Variants in AVEN observed in about 807,000 individuals in gnomAD.
AVEN encodes apoptosis and caspase activation inhibitor.
Under a neutral mutation model 38.1 loss-of-function variants are expected in AVEN, and 41 were observed. The observed-to-expected ratio is 1.08, with a 90% confidence interval of 0.84 to 1.40. The LOEUF (loss-of-function observed/expected upper bound fraction) is 1.40, where lower values mean the gene tolerates loss of function less well. Among genes scored for constraint, AVEN ranks in the 40% most tolerant of loss-of-function variants. The pLI is 0.00. For synonymous variants in AVEN, 206 were observed against 171.8 expected, an observed-to-expected ratio of 1.20 and a Z score of -1.56; for missense variants, 605 against 438.8, an observed-to-expected ratio of 1.38 and a Z score of -3.38.
At chr15:33,957,822 A>C (rs1484671702) in intron 2 of AVEN, among the ~76,000 whole-genome samples, 1 of 152,126 alleles carries the variant, frequency 6.6e-6, no homozygotes, top group East Asian at 1.9e-4. Context: ...CAGAACTGTG[A>C]TTGCCTGGGG....
intron 2 of AVEN, among the ~76,000 whole-genome samples, chr15:33,958,437 A>C (rs1436821177): frequency 1.3e-5 from 2 of 151,926 alleles, no homozygotes; most frequent in Non-Finnish European, 1.5e-5. Flanking sequence ...ACAACAACAA[A>C]AAAATCAGCC....
At chr15:33,951,181 A>G (rs894020630) in intron 2 of AVEN, among the ~76,000 whole-genome samples, 3 of 152,128 alleles carry the variant, frequency 2.0e-5, no homozygotes, top group African/African-American at 7.2e-5. Flanking sequence ...TAGCATTCCT[A>G]TGCGCAGCAC....
At position 34,018,665 on chromosome 15, in the gene AVEN, G is replaced by A. The variant is rs1349500272; in HGVS notation, c.268-15456C>T. On this transcript the variant is annotated intron_variant, in intron 1 of 5. Coordinates refer to ENST00000306730, the MANE Select transcript of AVEN (RefSeq NM_020371.3). ...GAAAGAACAAAGCTTCCACAGAATG[G>A]AAAGGGACTCCAGTGGGTTGCTGCT... Among the ~76,000 whole-genome samples, 5 of 152,318 alleles carry A rather than the reference G, an allele frequency of 3.3e-5. No individual in the cohort carries two copies. The East Asian group carries it at 9.6e-4, about 29-fold the overall frequency.
chr15:33,899,617 C>T (rs535732658), intron 2 of AVEN, among the ~76,000 whole-genome samples: 1 of 144,084 alleles, frequency 6.9e-6, no homozygotes, highest in South Asian at 2.3e-4. Context: ...TACAGGCGCC[C>T]GTCACCAAGC....
At chr15:33,940,775 C>T (rs192875507) in intron 2 of AVEN, among the ~76,000 whole-genome samples, 139 of 152,178 alleles carry the variant, frequency 9.1e-4, no homozygotes, top group African/African-American at 2.8e-3. Flanking sequence ...CTCTTGACCA[C>T]GTGATCCACC....
rs1354512144 is a variant in AVEN at position 33,875,776 on chromosome 15, C to T, written c.516+149G>A. 8 of 685,076 alleles carry T rather than the reference C, an allele frequency of 1.2e-5. No individual in the cohort carries two copies. In the Admixed American group the frequency reaches 2.2e-4, roughly 19 times the overall value. The allele number at this position is 685,076 out of a possible 1,614,324, so 42.4% of individuals were successfully genotyped here. ...CAAGGACCTGTGGAATTTCAGCCCC[C>T]TGAAAATTTTCTGAAAAGTTTAGCT... On this transcript the variant is annotated intron_variant, in intron 3 of 5. Transcript: ENST00000306730.
rs147477557 is a variant in AVEN at position 34,052,937 on chromosome 15, T to A, written n.1637+9985A>T. On this transcript the variant is annotated intron_variant and non_coding_transcript_variant, in intron 5 of 11. Coordinates refer to the AVEN transcript ENST00000675287. ...CATACTGCCCAAAGTAGTTTATAGA[T>A]TCAATGCTAATCTCATGAAACTACC... Among the ~76,000 whole-genome samples, 247 of 152,232 alleles carry A rather than the reference T, an allele frequency of 1.6e-3. 3 individuals are homozygous for A. The highest frequency in any genetic ancestry group is 5.1e-3 in the African/African-American group (213 of 41,548).
downstream of AVEN, chr15:33,865,420 A>G: frequency 1.9e-6 from 1 of 524,830 alleles, no homozygotes; most frequent in Non-Finnish European, 3.4e-6. Flanking sequence ...ACTGTGGGAG[A>G]GAACCTGTCA....
intron 2 of AVEN, among the ~76,000 whole-genome samples, chr15:33,963,776 G>A (rs892439673): frequency 1.4e-4 from 17 of 124,908 alleles, no homozygotes; most frequent in Admixed American, 6.0e-4. Context: ...CAGCCTGGGC[G>A]ACAGAGCGAG....
chr15:34,038,020 T>C (rs1043221369), intron 1 of AVEN, among the ~76,000 whole-genome samples: 1 of 152,204 alleles, frequency 6.6e-6, no homozygotes, highest in Admixed American at 6.5e-5. Context: ...TTTGCCCCCA[T>C]ATATATCATC....
rs115776907 is a variant in AVEN at position 33,929,014 on chromosome 15, A to T, written c.446-53019T>A. On this transcript the variant is annotated intron_variant, in intron 2 of 5. Transcript: ENST00000306730. ...TAATCATAACGGCCTCAAGAAACTC[A>T]AAGTGACAGTCATGTGGAACAGAAT... is the stretch of plus-strand genomic sequence containing the variant. Among the ~76,000 whole-genome samples the T allele has an allele frequency of 4.5e-3, 687 of 152,308 alleles. 8 individuals are homozygous for T. The highest frequency in any genetic ancestry group is 0.016 in the African/African-American group (659 of 41,562).
intron 2 of AVEN, among the ~76,000 whole-genome samples, chr15:33,949,307 A>G (rs958758229): frequency 2.0e-5 from 3 of 152,240 alleles, no homozygotes; most frequent in African/African-American, 4.8e-5. Context: ...GGCGTGAGCC[A>G]CCGCGCCCAG....
chr15:34,050,217 A>G (rs1899885815), intron 5 of AVEN, among the ~76,000 whole-genome samples: 1 of 152,136 alleles, frequency 6.6e-6, no homozygotes, highest in South Asian at 2.1e-4. Flanking sequence ...GAATGTCCAG[A>G]CCAGAATTTC....
intron 2 of AVEN, among the ~76,000 whole-genome samples, chr15:33,933,520 CACACAGAGAGAGAGAGAGAG>C (rs1356335954): frequency 0.016 from 1,345 of 81,960 alleles, 21 homozygotes; most frequent in Admixed American, 0.049. Flanking sequence ...CACACACACA[CACACAGAGAGAGAGAGAGAG>C]AGAGAGAGAG....
intron 2 of AVEN, among the ~76,000 whole-genome samples, chr15:33,896,540 A>C (rs961348724): frequency 1.3e-5 from 2 of 152,144 alleles, no homozygotes; most frequent in Admixed American, 6.6e-5. Flanking sequence ...GGGCTGGGAG[A>C]GAGTCCTCAT....
chr15:33,967,257 CAATT>C (rs775453654), intron 2 of AVEN, among the ~76,000 whole-genome samples: 19 of 152,080 alleles, frequency 1.2e-4, no homozygotes, highest in Non-Finnish European at 1.9e-4. Context: ...TATTGGCTAA[CAATT>C]AAAGTGTATA....
At chr15:33,892,832 A>G (rs1470044107) in intron 2 of AVEN, among the ~76,000 whole-genome samples, 2 of 152,056 alleles carry the variant, frequency 1.3e-5, no homozygotes, top group Non-Finnish European at 2.9e-5. Context: ...CATTTTCACA[A>G]TACTGATTCT....
chr15:34,022,788 C>T (rs1230045207), intron 1 of AVEN, among the ~76,000 whole-genome samples: 1 of 152,234 alleles, frequency 6.6e-6, no homozygotes, highest in Non-Finnish European at 1.5e-5. Context: ...CTTACATTTT[C>T]CTGACCTTCT....
intron 2 of AVEN, among the ~76,000 whole-genome samples, chr15:33,936,078 TA>T (rs1894047898): frequency 6.6e-6 from 1 of 151,388 alleles, no homozygotes; most frequent in Non-Finnish European, 1.5e-5. Flanking sequence ...GTAACAGCTA[TA>T]AAAACCAACA....
Sources: allele counts gnomAD v4.1 joint callset (sites outside exome capture counted in the v4.1 genomes callset), GRCh38; gene constraint gnomAD v4.1.1; transcripts MANE v1.5; gene names NCBI Gene and HGNC (gene_info 2026-07-23, HGNC 2026-07-21).